The following COLEC10 variants were observed in gnomAD, a reference collection of about 807,000 sequenced individuals.
COLEC10 encodes collectin-10.
Under a neutral mutation model 28.4 loss-of-function variants are expected in COLEC10, and 22 were observed. The observed-to-expected ratio is 0.78, with a 90% CI of 0.55 to 1.11. The LOEUF (loss-of-function observed/expected upper bound fraction) is 1.11, where lower values mean the gene tolerates loss of function less well. Among genes scored for constraint, COLEC10 ranks in the 50% least tolerant of loss-of-function variants. The probability of loss-of-function intolerance (pLI) is 0.00; values close to 1 mark genes in which losing one functional copy is unlikely to be tolerated. For missense variants in COLEC10, 361 were observed against 344.1 expected (o/e 1.05, Z -0.39); for synonymous variants, 125 against 116.1 (o/e 1.08, Z -0.49).
chr8:119,078,183 A>G (rs1395822440), intron 1 of COLEC10, among the ~76,000 whole-genome samples: 1 of 152,222 alleles, frequency 6.6e-6, no homozygotes, highest in Non-Finnish European at 1.5e-5. Flanking sequence ...AGATTTGGAG[A>G]GGACACACAT....
At chr8:119,070,530 CTCCA>C (rs1348141189) in intron 1 of COLEC10, among the ~76,000 whole-genome samples, 3 of 83,878 alleles carry the variant, frequency 3.6e-5, no homozygotes, top group Admixed American at 3.6e-4. Flanking sequence ...CCCTCCCTCC[CTCCA>C]TCTCTCTCTC....
chr8:119,021,070 A>G (rs1416031576), intron 2 of COLEC10, among the ~76,000 whole-genome samples: 1 of 152,190 alleles, frequency 6.6e-6, no homozygotes, highest in East Asian at 1.9e-4. Context: ...TTTGTGATCC[A>G]GTAAGCAACA....
chr8:119,024,157 A>T (rs1203028204), intron 2 of COLEC10, among the ~76,000 whole-genome samples: 1 of 152,146 alleles, frequency 6.6e-6, no homozygotes, highest in East Asian at 1.9e-4. Context: ...AGGTGGCAGT[A>T]TGCTTTTGGT....
chr8:119,033,541 A>T (rs1814331298), intron 2 of COLEC10, among the ~76,000 whole-genome samples: 1 of 152,186 alleles, frequency 6.6e-6, no homozygotes, highest in African/African-American at 2.4e-5. Context: ...AACTTAAACA[A>T]ATTTACAAGA....
At chr8:119,090,935 A>C (rs79104985) in intron 2 of COLEC10, among the ~76,000 whole-genome samples, 146 of 152,282 alleles carry the variant, frequency 9.6e-4, no homozygotes, top group African/African-American at 3.4e-3. Context: ...TAATATCATC[A>C]TGTCCGTAGT....
At chr8:118,962,555 G>T in the COLEC10 span, among the ~76,000 whole-genome samples, 1 of 152,050 alleles carries the variant, frequency 6.6e-6, no homozygotes, top group African/African-American at 2.4e-5. Flanking sequence ...AAGGTAATAG[G>T]CATATTCAAT....
chr8:119,053,679 A>G (rs961122913), intron 2 of COLEC10, among the ~76,000 whole-genome samples: 1 of 94,506 alleles, frequency 1.1e-5, no homozygotes, highest in Non-Finnish European at 2.0e-5. Context: ...GCAATTAAAA[A>G]AAAAGGTGGG....
chr8:118,962,407 G>A, the COLEC10 span, among the ~76,000 whole-genome samples: 5 of 152,134 alleles, frequency 3.3e-5, no homozygotes, highest in Non-Finnish European at 5.9e-5. Context: ...TACCTGAAAG[G>A]TCATTTATCC....
the COLEC10 span, among the ~76,000 whole-genome samples, chr8:118,968,461 T>C: frequency 2.0e-5 from 3 of 152,116 alleles, no homozygotes; most frequent in East Asian, 5.8e-4. Context: ...AAGTTTATAA[T>C]AGATTGTAAG....
chr8:119,050,529 G>T (rs1416362823), intron 2 of COLEC10, among the ~76,000 whole-genome samples: 3 of 152,102 alleles, frequency 2.0e-5, no homozygotes, highest in Non-Finnish European at 4.4e-5. Flanking sequence ...TATCTGGATG[G>T]ATATTCTTTC....
At position 119,092,809 on chromosome 8, in the gene COLEC10, G is replaced by A. The variant is rs1301949699; in HGVS notation, c.292+1589G>A. Among the ~76,000 whole-genome samples the A allele has an allele frequency of 3.3e-5, 5 of 152,156 alleles. No homozygotes were observed. The South Asian group carries it at 8.3e-4, about 25-fold the overall frequency. ...TAATCCCCACTACTGGGGAGGCTAA[G>A]GTACAAGAATCGCTTGAACCTGGGA... On this transcript the variant is annotated intron_variant, in intron 3 of 5. Transcript: ENST00000332843.
the COLEC10 span, among the ~76,000 whole-genome samples, chr8:118,986,037 CAG>C: frequency 6.6e-6 from 1 of 152,084 alleles, no homozygotes; most frequent in Non-Finnish European, 1.5e-5. Flanking sequence ...GGCTCCGTGA[CAG>C]ACTCTCTAGT....
upstream of COLEC10, among the ~76,000 whole-genome samples, chr8:118,991,792 T>A (rs1276196107): frequency 1.3e-5 from 2 of 152,150 alleles, no homozygotes; most frequent in Non-Finnish European, 2.9e-5. Context: ...AAGAAACAAC[T>A]GTCAAGAATT....
At chr8:118,967,600 C>T in the COLEC10 span, among the ~76,000 whole-genome samples, 862 of 152,144 alleles carry the variant, frequency 5.7e-3, 48 homozygotes, top group East Asian at 0.13. Context: ...TTCTGACTGG[C>T]ATAAATTAAT....
At chr8:118,953,315 C>T in the COLEC10 span, among the ~76,000 whole-genome samples, 1 of 152,170 alleles carries the variant, frequency 6.6e-6, no homozygotes, top group Non-Finnish European at 1.5e-5. Context: ...TATTTTGAAT[C>T]GTAGTTTTGA....
chr8:119,066,856 C>T (rs1814974163), upstream of COLEC10, among the ~76,000 whole-genome samples: 1 of 152,182 alleles, frequency 6.6e-6, no homozygotes, highest in African/African-American at 2.4e-5. Context: ...TTATGAAAAG[C>T]TCAAAGCCAT....
intron 2 of COLEC10, among the ~76,000 whole-genome samples, chr8:119,032,947 C>A (rs1330743219): frequency 1.3e-5 from 2 of 152,148 alleles, no homozygotes; most frequent in Non-Finnish European, 2.9e-5. Flanking sequence ...GTCTTCCTGG[C>A]CATTGTCTGC....
chr8:119,061,653 T>C (rs1240763954), intron 2 of COLEC10, among the ~76,000 whole-genome samples: 3 of 152,116 alleles, frequency 2.0e-5, no homozygotes, highest in Non-Finnish European at 2.9e-5. Context: ...ACAATTACTA[T>C]ATTTTTAGAC....
At chr8:119,067,702 T>C (rs113795620) in intron 1 of COLEC10, 6 of 335,678 alleles carry the variant, frequency 1.8e-5, no homozygotes, top group African/African-American at 8.4e-5. Context: ...CCCTGTTCCA[T>C]TCTGCTCCGG....
Sources: allele counts gnomAD v4.1 joint callset (sites outside exome capture counted in the v4.1 genomes callset), GRCh38; gene constraint gnomAD v4.1.1; transcripts MANE v1.5; gene names NCBI Gene and HGNC (gene_info 2026-07-23, HGNC 2026-07-21).